The following PPP1R1C variants were observed in gnomAD, a reference collection of about 807,000 sequenced individuals.
The protein encoded by PPP1R1C is protein phosphatase 1 regulatory subunit 1C.
PPP1R1C carries 15 observed loss-of-function variants against 17.4 expected under a neutral mutation model. That is an observed-to-expected ratio of 0.86 (90% CI 0.58 to 1.33). The LOEUF (loss-of-function observed/expected upper bound fraction) is 1.33, where lower values mean the gene tolerates loss of function less well. Among genes scored for constraint, PPP1R1C ranks in the 40% most tolerant of loss-of-function variants. The pLI, the probability that PPP1R1C is intolerant of heterozygous loss-of-function variation, is 0.00. For missense variants in PPP1R1C, 143 were observed against 130.0 expected (o/e 1.10, Z -0.48); for synonymous variants, 35 against 43.1 (o/e 0.81, Z 0.73).
In PPP1R1C at chr2:181,961,292, T is replaced by C; in HGVS notation, n.111+6658T>C. The C allele has an allele frequency of 1.4e-6, 1 of 740,142 alleles. No homozygotes were observed. The highest frequency in any genetic ancestry group is 2.4e-6 in the Non-Finnish European group (1 of 409,236). 45.8% of individuals were successfully genotyped at this position (740,142 alleles called of 1,614,324 possible). ...TGGATGGTTTGCATGGAGTTGCTGT[T>C]GTCCAGGGCATCACCAAGATTGAAG... On this transcript the variant is annotated intron_variant and non_coding_transcript_variant, in intron 1 of 5. Transcript: ENST00000464264. This position sits in a 1 kb window ranked among gnomAD's most constrained non-coding sequence, Gnocchi z 5.8.
At chr2:182,005,941 A>G (rs1192525200) in intron 2 of PPP1R1C, among the ~76,000 whole-genome samples, 3 of 152,218 alleles carry the variant, frequency 2.0e-5, no homozygotes, top group African/African-American at 7.2e-5. Context: ...AATAATAAAT[A>G]AAAATGTTTG....
intron 2 of PPP1R1C, among the ~76,000 whole-genome samples, chr2:182,010,855 C>T (rs1686070070): frequency 6.6e-6 from 1 of 151,898 alleles, no homozygotes; most frequent in African/African-American, 2.4e-5. Context: ...TTGTCAAATG[C>T]TTTTTCATCA....
At chr2:182,103,142 A>C (rs953376821) in intron 4 of PPP1R1C, among the ~76,000 whole-genome samples, 7 of 152,114 alleles carry the variant, frequency 4.6e-5, no homozygotes, top group Non-Finnish European at 5.9e-5. Context: ...AATGTCTAAA[A>C]GTTGGGGGGA....
At chr2:182,081,440 T>C (rs1450877703) in intron 4 of PPP1R1C, among the ~76,000 whole-genome samples, 2 of 152,188 alleles carry the variant, frequency 1.3e-5, no homozygotes, top group Admixed American at 6.5e-5. Context: ...TTATAGAAAG[T>C]AGCTAAACAG....
At chr2:182,060,612 T>C (rs1687822374) in intron 2 of PPP1R1C, among the ~76,000 whole-genome samples, 1 of 152,166 alleles carries the variant, frequency 6.6e-6, no homozygotes, top group Admixed American at 6.6e-5. Flanking sequence ...TATTTTTCAC[T>C]TATATAGCAT....
intron 1 of PPP1R1C, among the ~76,000 whole-genome samples, chr2:181,968,409 T>C (rs911315641): frequency 1.9e-4 from 29 of 152,234 alleles, no homozygotes; most frequent in African/African-American, 7.0e-4. Flanking sequence ...AGTTGTTATA[T>C]CCTCTTGCTA....
At position 181,962,113 on chromosome 2, in the gene PPP1R1C, C is replaced by A. The variant is rs1684809519; in HGVS notation, n.111+7479C>A. The A allele has an allele frequency of 1.4e-6, 1 of 723,602 alleles. No homozygotes were observed. The allele number at this position is 723,602 out of a possible 1,614,324, so 44.8% of individuals were successfully genotyped here. A position where few individuals can be genotyped will look rare whatever the true frequency, so the allele number is the denominator to read the frequency against. On this transcript the variant is annotated intron_variant and non_coding_transcript_variant, in intron 1 of 5. Coordinates refer to the PPP1R1C transcript ENST00000464264. This position sits in a 1 kb window ranked among gnomAD's most constrained non-coding sequence, Gnocchi z 6.0. Reference sequence around the variant, plus strand: ...TGAGGTAATGACTCCAGTCTCTGACCTGGAGTCCCTTCTTCTCCAGGTGCT... The same window carrying A: ...TGAGGTAATGACTCCAGTCTCTGACATGGAGTCCCTTCTTCTCCAGGTGCT...
intron 4 of PPP1R1C, among the ~76,000 whole-genome samples, chr2:182,114,710 G>C (rs1219318073): frequency 1.3e-5 from 2 of 152,142 alleles, no homozygotes; most frequent in Admixed American, 6.6e-5. Context: ...CATGTCACCT[G>C]CTCCTGCCTC....
At chr2:181,993,077 T>C (rs1209399766) in intron 2 of PPP1R1C, among the ~76,000 whole-genome samples, 2 of 152,128 alleles carry the variant, frequency 1.3e-5, no homozygotes, top group African/African-American at 4.8e-5. Flanking sequence ...AGCCTCTAGA[T>C]TGGATTCCTG....
At chr2:182,052,293 T>C (rs1474551716) in intron 2 of PPP1R1C, among the ~76,000 whole-genome samples, 1 of 152,196 alleles carries the variant, frequency 6.6e-6, no homozygotes, top group African/African-American at 2.4e-5. Flanking sequence ...GTCAATGGAA[T>C]GGTGAGAAAA....
chr2:182,022,450 A>G (rs1226219306), intron 2 of PPP1R1C, among the ~76,000 whole-genome samples: 1 of 152,206 alleles, frequency 6.6e-6, no homozygotes, highest in Non-Finnish European at 1.5e-5. Flanking sequence ...CAAACCAGTA[A>G]ATCTCCATGC....
intron 4 of PPP1R1C, among the ~76,000 whole-genome samples, chr2:182,093,482 C>T (rs1325132094): frequency 1.3e-5 from 2 of 152,218 alleles, no homozygotes; most frequent in African/African-American, 4.8e-5. Context: ...ATGCAAATTT[C>T]TCCAGCCAGT....
chr2:182,065,129 A>C (rs574161497), intron 4 of PPP1R1C, among the ~76,000 whole-genome samples: 2 of 152,242 alleles, frequency 1.3e-5, no homozygotes, highest in South Asian at 2.1e-4. Context: ...ACATTTTTGC[A>C]TAAAGCCTTA....
intron 3 of PPP1R1C, among the ~76,000 whole-genome samples, chr2:182,061,851 T>C (rs1317441733): frequency 1.3e-5 from 2 of 152,052 alleles, no homozygotes; most frequent in African/African-American, 2.4e-5. Flanking sequence ...CAGGGTCTTC[T>C]GGTATGTGGA....
intron 4 of PPP1R1C, among the ~76,000 whole-genome samples, chr2:182,065,305 T>A (rs920412178): frequency 6.6e-6 from 1 of 152,118 alleles, no homozygotes; most frequent in African/African-American, 2.4e-5. Flanking sequence ...CCCCTGCTTA[T>A]GATAAAAGAA....
rs576514868 is a variant in PPP1R1C, at chr2:182,094,347, G to T, written c.242-22860G>T. On this transcript the variant is annotated intron_variant, in intron 4 of 4. Coordinates refer to ENST00000682840, the MANE Select transcript of PPP1R1C (RefSeq NM_001080545.3). The stretch of plus-strand genomic sequence containing the variant: ...CACGTGGGAATTACGGGAGATACAA[G>T]ATGAGATTTGGGTGGGAACACAGAG... Among the ~76,000 whole-genome samples the T allele has an allele frequency of 1.1e-4, 17 of 152,280 alleles. 1 individual carries two copies. In the South Asian group the frequency reaches 3.3e-3, roughly 30 times the overall value.
At chr2:182,096,284 G>A (rs529388052) in intron 4 of PPP1R1C, among the ~76,000 whole-genome samples, 62 of 152,266 alleles carry the variant, frequency 4.1e-4, no homozygotes, top group Non-Finnish European at 7.2e-4. Flanking sequence ...GACTTCTCTG[G>A]ATTGAGGGTC....
At chr2:182,108,327 CT>C (rs1227665344) in intron 4 of PPP1R1C, among the ~76,000 whole-genome samples, 1 of 152,006 alleles carries the variant, frequency 6.6e-6, no homozygotes, top group African/African-American at 2.4e-5. Context: ...ACATTCACTG[CT>C]TTCATCTCTT....
intron 4 of PPP1R1C, among the ~76,000 whole-genome samples, chr2:182,081,307 G>C (rs1258703707): frequency 6.6e-6 from 1 of 152,140 alleles, no homozygotes; most frequent in Admixed American, 6.5e-5. Flanking sequence ...TCAACAAATA[G>C]CGGCTATCAG....
Sources: allele counts gnomAD v4.1 joint callset (sites outside exome capture counted in the v4.1 genomes callset), GRCh38; gene constraint gnomAD v4.1.1; non-coding constraint Gnocchi (gnomAD v3.1); transcripts MANE v1.5; gene names NCBI Gene and HGNC (gene_info 2026-07-23, HGNC 2026-07-21).